LY6S: variants seen among roughly 807,000 people sequenced by gnomAD.
The protein encoded by LY6S is lymphocyte antigen 6S.
chr8:143,052,522 C>T, the LY6S span, among the ~76,000 whole-genome samples: 2 of 152,220 alleles, frequency 1.3e-5, no homozygotes, highest in South Asian at 2.1e-4. Context: ...CGCACCCACA[C>T]GCCCTCCTTT....
the LY6S span, among the ~76,000 whole-genome samples, chr8:143,041,361 T>C: frequency 6.6e-6 from 1 of 152,220 alleles, no homozygotes; most frequent in Non-Finnish European, 1.5e-5. Flanking sequence ...CTATTTGCTT[T>C]TGAAAGAAGA....
the LY6S span, among the ~76,000 whole-genome samples, chr8:143,073,567 C>CCCGGGGCTCCTGTTTGAGAAGACAGCCA: frequency 3.8e-5 from 5 of 130,544 alleles, no homozygotes; most frequent in African/African-American, 1.7e-4. Flanking sequence ...AGCCGTCGTC[C>CCCGGGGCTCCTGTTTGAGAAGACAGCCA]TCGGGGCTCC....
chr8:143,062,948 G>T, the LY6S span, among the ~76,000 whole-genome samples: 1 of 152,184 alleles, frequency 6.6e-6, no homozygotes, highest in Non-Finnish European at 1.5e-5. Flanking sequence ...AAGATTTTCT[G>T]AAACTTTCCA....
At chr8:143,043,738 C>T in the LY6S span, among the ~76,000 whole-genome samples, 1 of 151,920 alleles carries the variant, frequency 6.6e-6, no homozygotes. Context: ...TGCAATGGGG[C>T]GATCTCTGCT....
At chr8:143,070,481 ATATATATATTTTT>A in the LY6S span, among the ~76,000 whole-genome samples, 2 of 85,420 alleles carry the variant, frequency 2.3e-5, no homozygotes, top group African/African-American at 1.5e-4. Context: ...ATATAAATAT[ATATATATATTTTT>A]TTTTTTTTTT....
chr8:143,066,837 G>A, the LY6S span, among the ~76,000 whole-genome samples: 7 of 152,212 alleles, frequency 4.6e-5, no homozygotes, highest in Non-Finnish European at 1.0e-4. Context: ...ACTGAGAAGG[G>A]ACGATCTTAC....
the LY6S span, among the ~76,000 whole-genome samples, chr8:143,045,857 A>T: frequency 2.0e-5 from 3 of 148,032 alleles, no homozygotes; most frequent in East Asian, 2.0e-4. This position sits in a 1 kb window ranked among gnomAD's most constrained non-coding sequence, Gnocchi z 5.3. Context: ...CAATTTACTC[A>T]TTTTTTTTTT....
At chr8:143,057,607 C>T in the LY6S span, 1 of 1,291,108 alleles carries the variant, frequency 7.7e-7, no homozygotes. Flanking sequence ...TGAGAGGGTC[C>T]CCAGTCAGGT....
chr8:143,072,318 C>CT, the LY6S span, among the ~76,000 whole-genome samples: 1 of 145,616 alleles, frequency 6.9e-6, no homozygotes, highest in South Asian at 2.3e-4. Flanking sequence ...CCCCGGGGCT[C>CT]CTGTTAGAGA....
chr8:143,060,108 G>A, the LY6S span, among the ~76,000 whole-genome samples: 1 of 152,256 alleles, frequency 6.6e-6, no homozygotes, highest in African/African-American at 2.4e-5. Context: ...ATGGTGAGAA[G>A]TGACCAGAAG....
At chr8:143,070,370 T>A in the LY6S span, among the ~76,000 whole-genome samples, 1 of 127,148 alleles carries the variant, frequency 7.9e-6, no homozygotes, top group Non-Finnish European at 1.6e-5. Flanking sequence ...AGCTGATATA[T>A]ATATATAAAT....
chr8:143,043,116 G>T, the LY6S span: 2 of 1,367,190 alleles, frequency 1.5e-6, no homozygotes, highest in African/African-American at 3.0e-5. Flanking sequence ...GGGCGGGAAA[G>T]GCCCTCACAG....
chr8:143,049,135 C>T, the LY6S span: 2 of 534,266 alleles, frequency 3.7e-6, no homozygotes, highest in South Asian at 1.4e-5. Flanking sequence ...ATGTCCCACA[C>T]CCTGTCATGG....
At chr8:143,062,808 AATGATGATG>A in the LY6S span, among the ~76,000 whole-genome samples, 5 of 151,902 alleles carry the variant, frequency 3.3e-5, no homozygotes, top group East Asian at 1.9e-4. Context: ...GGGTATCAGG[AATGATGATG>A]ATGATGATGA....
At chr8:143,067,438 G>C in the LY6S span, among the ~76,000 whole-genome samples, 6 of 152,214 alleles carry the variant, frequency 3.9e-5, no homozygotes, top group Non-Finnish European at 5.9e-5. Flanking sequence ...CTATTAACCA[G>C]GGACACAATG....
the LY6S span, among the ~76,000 whole-genome samples, chr8:143,052,745 G>A: frequency 6.6e-6 from 1 of 152,138 alleles, no homozygotes. Context: ...AGATTGAAAG[G>A]ACCAGTCACA....
the LY6S span, chr8:143,057,567 C>A: frequency 8.0e-7 from 1 of 1,254,092 alleles, no homozygotes; most frequent in South Asian, 1.2e-5. Flanking sequence ...CTCTTGATAA[C>A]CGTCTCTGGT....
chr8:143,055,527 C>T, the LY6S span, among the ~76,000 whole-genome samples: 2 of 152,110 alleles, frequency 1.3e-5, no homozygotes, highest in African/African-American at 4.8e-5. Context: ...AACCTTGGCT[C>T]ATCTTGAAAG....
At chr8:143,051,166 G>T in the LY6S span, among the ~76,000 whole-genome samples, 1 of 152,240 alleles carries the variant, frequency 6.6e-6, no homozygotes, top group African/African-American at 2.4e-5. Flanking sequence ...GGGCTGACAG[G>T]AAAGCTAAGA....
Sources: gnomAD v4.1 joint callset for allele counts (sites outside exome capture counted in the v4.1 genomes callset) on GRCh38, gnomAD v4.1.1 for gene constraint, Gnocchi (gnomAD v3.1) non-coding constraint, MANE v1.5 for transcripts, NCBI Gene and HGNC (gene_info 2026-07-23, HGNC 2026-07-21) for gene names.